Variants in CORIN observed in about 807,000 individuals in gnomAD.
CORIN encodes corin, serine peptidase.
CORIN carries 117 observed loss-of-function variants against 125.3 expected under a neutral mutation model. That is an observed-to-expected ratio of 0.93 (90% CI 0.80 to 1.09). The LOEUF is 1.09. CORIN is among the 50% of genes least tolerant of loss of function. The pLI, the probability that CORIN is intolerant of heterozygous loss-of-function variation, is 0.00. For missense variants in CORIN, 1,253 were observed against 1,306.7 expected (o/e 0.96, Z 0.63); for synonymous variants, 450 against 466.4 (o/e 0.96, Z 0.45).
chr4:47,595,565 A>C lies in CORIN; in HGVS notation c.*156T>G, dbSNP rs1163290302. On this transcript the variant is annotated 3_prime_UTR_variant, in exon 22 of 22. Coordinates refer to ENST00000273857, the MANE Select transcript of CORIN (RefSeq NM_006587.4). ...AAGGTGAAAAAATAAATTGAAAAAA[A>C]TTAGTCCAAAACAAACATGCAAATT... The C allele has an allele frequency of 2.1e-6, 1 of 478,606 alleles. No homozygotes were observed. Among genetic ancestry groups the C allele is most frequent in the African/African-American group, 2.0e-5 (1 of 50,686 alleles). 29.6% of individuals were successfully genotyped at this position (478,606 alleles called of 1,614,324 possible). A position where few individuals can be genotyped will look rare whatever the true frequency, so the allele number is the denominator to read the frequency against.
intron 16 of CORIN, chr4:47,632,378 T>G (rs1479952536): frequency 6.6e-6 from 1 of 152,232 alleles, no homozygotes; most frequent in Non-Finnish European, 1.5e-5. Context: ...TGTTCCAAAC[T>G]TGAAACATTT....
Position 47,653,577 on chromosome 4 carries a change from C to A in CORIN, c.1819G>T (p.Asp607Tyr). 1 of 1,614,034 alleles carries A rather than the reference C, an allele frequency of 6.2e-7. No individual in the cohort carries two copies. Among genetic ancestry groups the A allele is most frequent in the Non-Finnish European group, 8.5e-7 (1 of 1,179,902 alleles). ...CCACAGTTTTCCTCATCACTGTCATCGTCACAGTCGGCCTGGCCATCACAT... is the reference window on the plus strand; with the variant it reads ...CCACAGTTTTCCTCATCACTGTCATAGTCACAGTCGGCCTGGCCATCACAT... ...RRCDGQADCD[D>Y]DSDEENCGCK... Residue 607 changes from aspartate (D) to tyrosine (Y), a missense_variant, in exon 13 of 22, where the codon GAT becomes TAT. Physicochemically the swap from Asp to Tyr is radical, Grantham distance 160 (BLOSUM62 -3). Coordinates refer to ENST00000273857, the MANE Select transcript of CORIN (RefSeq NM_006587.4).
At chr4:47,694,173 G>A (rs1725883584) in intron 5 of CORIN, among the ~76,000 whole-genome samples, 1 of 152,116 alleles carries the variant, frequency 6.6e-6, no homozygotes, top group African/African-American at 2.4e-5. Flanking sequence ...TAATGTCCTA[G>A]GACAAAGTTC....
chr4:47,706,663 C>T (rs1485098642), intron 5 of CORIN: 2 of 1,610,334 alleles, frequency 1.2e-6, no homozygotes, highest in South Asian at 2.2e-5. Flanking sequence ...TTGCTCGAAG[C>T]CTTCAGTCCG....
chr4:47,697,074 C>A (rs913598113), intron 5 of CORIN, among the ~76,000 whole-genome samples: 1 of 152,176 alleles, frequency 6.6e-6, no homozygotes, highest in Non-Finnish European at 1.5e-5. Flanking sequence ...GCTCCATTCT[C>A]CATGCTGCTC....
chr4:47,747,530 C>T (rs111333676), intron 4 of CORIN, among the ~76,000 whole-genome samples: 1 of 150,546 alleles, frequency 6.6e-6, no homozygotes, highest in Admixed American at 6.6e-5. Flanking sequence ...CATTTCATTT[C>T]ATTTTATTTA....
intron 16 of CORIN, among the ~76,000 whole-genome samples, chr4:47,629,276 A>ATT (rs1722711803): frequency 6.6e-6 from 1 of 152,092 alleles, no homozygotes; most frequent in African/African-American, 2.4e-5. Flanking sequence ...TTTAATTTGC[A>ATT]TTTCCCTGAT....
intron 1 of CORIN, among the ~76,000 whole-genome samples, chr4:47,825,770 G>A (rs774804032): frequency 4.1e-5 from 6 of 147,146 alleles, no homozygotes; most frequent in Non-Finnish European, 5.9e-5. Flanking sequence ...GCGTGATCTC[G>A]GCTCACTGCA....
intron 5 of CORIN, 22 bp downstream of exon 5, chr4:47,744,375 AAAATG>A: frequency 6.2e-7 from 1 of 1,601,594 alleles, no homozygotes; most frequent in South Asian, 1.1e-5. Flanking sequence ...AAATCTTCTA[AAAATG>A]AAATGAAACA....
intron 19 of CORIN, among the ~76,000 whole-genome samples, chr4:47,607,790 A>G (rs1370832433): frequency 6.6e-6 from 1 of 152,090 alleles, no homozygotes; most frequent in Non-Finnish European, 1.5e-5. Context: ...TCAGTTCTAA[A>G]GTACGAATTA....
chr4:47,642,678 A>G (rs188875705), intron 15 of CORIN, among the ~76,000 whole-genome samples: 69 of 152,330 alleles, frequency 4.5e-4, no homozygotes, highest in African/African-American at 1.5e-3. Flanking sequence ...ACAAACTGCA[A>G]CACTGGAGGT....
intron 19 of CORIN, among the ~76,000 whole-genome samples, chr4:47,614,192 T>TG (rs2109533523): frequency 1.3e-5 from 2 of 152,100 alleles, no homozygotes; most frequent in Admixed American, 6.6e-5. Context: ...CAATTTCTTT[T>TG]TTTGTTGTTG....
chr4:47,775,278 T>C (rs1730242147), intron 3 of CORIN, among the ~76,000 whole-genome samples: 1 of 152,152 alleles, frequency 6.6e-6, no homozygotes, highest in Admixed American at 6.5e-5. Context: ...TACAGGTTTT[T>C]TACCTATGTA....
chr4:47,672,084 G>A (rs938045445), intron 10 of CORIN, among the ~76,000 whole-genome samples: 8 of 152,168 alleles, frequency 5.3e-5, no homozygotes, highest in African/African-American at 1.9e-4. Flanking sequence ...AGCTTAAAGA[G>A]AACAACAGTG....
intron 5 of CORIN, among the ~76,000 whole-genome samples, chr4:47,694,217 C>G (rs16860597): frequency 0.022 from 3,280 of 152,176 alleles, 113 homozygotes; most frequent in African/African-American, 0.074. Flanking sequence ...CCAACTGGTC[C>G]TAGAAAACAA....
chr4:47,684,344 C>A (rs1346272572), intron 6 of CORIN, among the ~76,000 whole-genome samples: 1 of 152,136 alleles, frequency 6.6e-6, no homozygotes, highest in Non-Finnish European at 1.5e-5. Flanking sequence ...CTCAAATAAG[C>A]AAGTACTGTC....
intron 1 of CORIN, among the ~76,000 whole-genome samples, chr4:47,828,163 G>T (rs537119518): frequency 6.6e-6 from 1 of 151,996 alleles, no homozygotes; most frequent in African/African-American, 2.4e-5. Context: ...GTATGTGTTT[G>T]TTTTTTTTCC....
chr4:47,648,947 C>A (rs1723612986), intron 13 of CORIN, among the ~76,000 whole-genome samples: 1 of 152,178 alleles, frequency 6.6e-6, no homozygotes, highest in Non-Finnish European at 1.5e-5. Context: ...TCCTGGACAA[C>A]AAAGCCCCTT....
At chr4:47,637,797 A>C (rs6447573) in intron 16 of CORIN, among the ~76,000 whole-genome samples, 1 of 152,022 alleles carries the variant, frequency 6.6e-6, no homozygotes, top group Non-Finnish European at 1.5e-5. Flanking sequence ...GGAAATGTGG[A>C]GTCAGAGACC....
Sources: allele counts gnomAD v4.1 joint callset (sites outside exome capture counted in the v4.1 genomes callset), GRCh38; gene constraint gnomAD v4.1.1; transcripts MANE v1.5; gene names NCBI Gene and HGNC (gene_info 2026-07-23, HGNC 2026-07-21).